Variants in GPR158 observed in about 807,000 individuals in gnomAD.
GPR158 encodes the protein G protein-coupled receptor 158.
Under a neutral mutation model 78.2 loss-of-function variants are expected in GPR158, and 30 were observed. The observed-to-expected ratio is 0.38, with a 90% CI of 0.29 to 0.52. The LOEUF is 0.52. Ranked by LOEUF, GPR158 falls within the 20% of genes least tolerant of loss-of-function variation. GPR158 has a pLI of 0.83. For missense variants in GPR158, 1,463 were observed against 1,523.5 expected, an observed-to-expected ratio of 0.96 and a Z score of 0.66; for synonymous variants, 581 against 591.1, an observed-to-expected ratio of 0.98 and a Z score of 0.25.
chr10:25,588,164 C>T (rs1837295004), intron 7 of GPR158, among the ~76,000 whole-genome samples: 1 of 152,174 alleles, frequency 6.6e-6, no homozygotes, highest in African/African-American at 2.4e-5. Context: ...TAAGTGCTTT[C>T]TATGCATTAT....
chr10:25,580,810 C>T (rs904475534), intron 7 of GPR158, among the ~76,000 whole-genome samples: 4 of 152,110 alleles, frequency 2.6e-5, no homozygotes, highest in South Asian at 2.1e-4. Context: ...GCTGCAGCTT[C>T]GAACTCCTGG....
At chr10:25,291,301 C>T (rs1854433125) in intron 2 of GPR158, among the ~76,000 whole-genome samples, 1 of 151,886 alleles carries the variant, frequency 6.6e-6, no homozygotes, top group Non-Finnish European at 1.5e-5. Flanking sequence ...AGACACGGGC[C>T]ATAGATTTAT....
intron 6 of GPR158, among the ~76,000 whole-genome samples, chr10:25,569,234 C>G (rs763328628): frequency 3.2e-4 from 49 of 151,936 alleles, no homozygotes; most frequent in Middle Eastern, 3.4e-3. Flanking sequence ...AATAAATACC[C>G]AAAGGGCCAT....
intron 7 of GPR158, among the ~76,000 whole-genome samples, chr10:25,587,718 AT>A (rs1837289888): frequency 6.6e-6 from 1 of 152,192 alleles, no homozygotes; most frequent in Non-Finnish European, 1.5e-5. Context: ...TTGGAGTGAC[AT>A]TAATTTTTTT....
chr10:25,371,729 G>A (rs1316643554), intron 2 of GPR158, among the ~76,000 whole-genome samples: 5 of 134,902 alleles, frequency 3.7e-5, no homozygotes, highest in East Asian at 4.0e-4. Flanking sequence ...AGACTTAAAC[G>A]TTAGACCTAA....
intron 1 of GPR158, among the ~76,000 whole-genome samples, chr10:25,219,317 CTT>C (rs1336403817): frequency 1.3e-5 from 2 of 152,136 alleles, no homozygotes; most frequent in Non-Finnish European, 2.9e-5. Flanking sequence ...ATAGTGTTAT[CTT>C]ACAGTGATAT....
intron 2 of GPR158, among the ~76,000 whole-genome samples, chr10:25,381,981 A>G (rs1834161531): frequency 6.6e-6 from 1 of 152,200 alleles, no homozygotes; most frequent in African/African-American, 2.4e-5. Context: ...CTCAGCAAAT[A>G]ATGCACAACA....
intron 2 of GPR158, among the ~76,000 whole-genome samples, chr10:25,393,194 T>C (rs1427080758): frequency 1.3e-5 from 2 of 152,234 alleles, no homozygotes; most frequent in African/African-American, 4.8e-5. Flanking sequence ...AGCAGAGAGA[T>C]ACTTTAATTA....
intron 5 of GPR158, among the ~76,000 whole-genome samples, chr10:25,533,426 G>A (rs1466527842): frequency 6.6e-6 from 1 of 152,110 alleles, no homozygotes; most frequent in Non-Finnish European, 1.5e-5. Flanking sequence ...TGGTTCTGGT[G>A]TTCAATCAGG....
intron 2 of GPR158, among the ~76,000 whole-genome samples, chr10:25,268,773 C>T (rs572676174): frequency 2.0e-5 from 3 of 152,238 alleles, no homozygotes; most frequent in South Asian, 4.1e-4. Flanking sequence ...TGCCAACCTT[C>T]GCCTTCACAA....
intron 4 of GPR158, among the ~76,000 whole-genome samples, chr10:25,447,837 T>C (rs1835157302): frequency 7.4e-6 from 1 of 136,020 alleles, no homozygotes; most frequent in African/African-American, 2.8e-5. Flanking sequence ...TGCTTTGAAG[T>C]GTACAATGCA....
At chr10:25,332,588 A>G (rs1855141939) in intron 2 of GPR158, among the ~76,000 whole-genome samples, 1 of 152,160 alleles carries the variant, frequency 6.6e-6, no homozygotes, top group Non-Finnish European at 1.5e-5. Flanking sequence ...TTGCAGAGGC[A>G]TTTGGGACAC....
intron 2 of GPR158, among the ~76,000 whole-genome samples, chr10:25,241,467 C>A (rs1195124775): frequency 6.7e-6 from 1 of 149,540 alleles, no homozygotes; most frequent in African/African-American, 2.5e-5. Flanking sequence ...ATCTCCCAGG[C>A]TGGAGCACAG....
At chr10:25,254,731 G>A (rs1049990368) in intron 2 of GPR158, among the ~76,000 whole-genome samples, 7 of 152,296 alleles carry the variant, frequency 4.6e-5, no homozygotes, top group Admixed American at 1.3e-4. Flanking sequence ...AAACAGTTGA[G>A]TATGTGATTG....
chr10:25,190,811 AAG>A (rs1387971662), intron 1 of GPR158, among the ~76,000 whole-genome samples: 2 of 152,356 alleles, frequency 1.3e-5, no homozygotes, highest in Non-Finnish European at 2.9e-5. Context: ...GCACAAACTG[AAG>A]AGTGACCAAT....
At chr10:25,513,998 T>G (rs918006092) in intron 5 of GPR158, among the ~76,000 whole-genome samples, 1 of 152,176 alleles carries the variant, frequency 6.6e-6, no homozygotes, top group Non-Finnish European at 1.5e-5. Context: ...ATTCTGCAGT[T>G]GTCAGGTACA....
rs1256115711 is a variant in GPR158, at chr10:25,176,173, G to A, written c.753G>A (p.Arg251=). 6.3e-7 allele frequency: 1 copy of A among 1,579,516 alleles called. No homozygotes were observed. The highest frequency in any genetic ancestry group is 8.6e-7 in the Non-Finnish European group (1 of 1,164,266). ...QGPRGLGHSW[R]RKDGLGGDKS... is the part of the protein sequence containing the mutation. The stretch of plus-strand genomic sequence containing the variant: ...CCCGGGGCCTGGGCCACAGCTGGCG[G>A]CGCAAGGACGGGCTCGGCGGGGACA... Residue 251 remains arginine (R), a synonymous_variant, in exon 1 of 11, where the codon CGG becomes CGA. Transcript: ENST00000376351. The surrounding 1 kb of genome is among the most constrained non-coding windows in gnomAD (Gnocchi z 6.3).
chr10:25,470,354 A>G (rs1303151003), intron 5 of GPR158, among the ~76,000 whole-genome samples: 4 of 152,004 alleles, frequency 2.6e-5, no homozygotes, highest in African/African-American at 9.7e-5. Flanking sequence ...TTAACATGTA[A>G]AAGAGCTCGG....
intron 2 of GPR158, among the ~76,000 whole-genome samples, chr10:25,305,678 G>A (rs1854664669): frequency 6.6e-6 from 1 of 152,048 alleles, no homozygotes; most frequent in Non-Finnish European, 1.5e-5. Flanking sequence ...CCTTAACCAT[G>A]GTTTTTAACT....
Sources: gnomAD v4.1 joint callset for allele counts (sites outside exome capture counted in the v4.1 genomes callset) on GRCh38, gnomAD v4.1.1 for gene constraint, Gnocchi (gnomAD v3.1) non-coding constraint, MANE v1.5 for transcripts, NCBI Gene and HGNC (gene_info 2026-07-23, HGNC 2026-07-21) for gene names.